ASB15: variants seen among roughly 807,000 people sequenced by gnomAD.
ASB15 encodes the protein ankyrin repeat and SOCS box containing 15.
Under a neutral mutation model 58.0 loss-of-function variants are expected in ASB15, and 54 were observed. The observed-to-expected ratio is 0.93, with a 90% CI of 0.75 to 1.17. The LOEUF (loss-of-function observed/expected upper bound fraction) is 1.17, where lower values mean the gene tolerates loss of function less well. Ranked by LOEUF, ASB15 falls within the 50% of genes most tolerant of loss-of-function variation. ASB15 has a pLI of 0.00. For synonymous variants in ASB15, 249 were observed against 262.4 expected, an observed-to-expected ratio of 0.95 and a Z score of 0.50; for missense variants, 680 against 707.4, an observed-to-expected ratio of 0.96 and a Z score of 0.44.
intron 1 of ASB15, among the ~76,000 whole-genome samples, chr7:123,584,401 C>T (rs1416957075): frequency 1.3e-5 from 2 of 151,600 alleles, no homozygotes; most frequent in East Asian, 3.9e-4. Flanking sequence ...GGCGGCTAGG[C>T]ATCAGTGTTT....
chr7:123,589,397 T>G (rs1468569855), intron 1 of ASB15, among the ~76,000 whole-genome samples: 7 of 151,730 alleles, frequency 4.6e-5, no homozygotes, highest in Non-Finnish European at 1.0e-4. Flanking sequence ...GGTATACATG[T>G]GCCATAGTGG....
rs1417775898 is a variant in ASB15, at chr7:123,637,774, A to T, written c.*793A>T. 2 of 151,260 alleles carry T rather than the reference A, an allele frequency of 1.3e-5. No individual in the cohort carries two copies. The highest frequency in any genetic ancestry group is 4.9e-5 in the African/African-American group (2 of 41,106). The allele number at this position is 151,260 out of a possible 1,614,324, so 9.4% of individuals were successfully genotyped here. ...CTAGAGACTACAAAATTTCCATCCA[A>T]AGCTCAGCTCTTTCTCTCATGTTCT... On this transcript the variant is annotated 3_prime_UTR_variant, in exon 12 of 12. Transcript: ENST00000451215.
At chr7:123,569,812 G>A (rs997332478) in intron 1 of ASB15, among the ~76,000 whole-genome samples, 3 of 152,148 alleles carry the variant, frequency 2.0e-5, no homozygotes, top group Non-Finnish European at 2.9e-5. Context: ...AGGCAAGCCC[G>A]TTAAGTATAA....
intron 1 of ASB15, among the ~76,000 whole-genome samples, chr7:123,602,985 A>T (rs2116418624): frequency 6.6e-6 from 1 of 152,312 alleles, no homozygotes; most frequent in Non-Finnish European, 1.5e-5. Context: ...GGGGAGAATT[A>T]TGTCATAGAC....
rs200086727 is a variant in ASB15, at chr7:123,616,418, C to T, written c.215C>T (p.Ala72Val). The change falls in exon 6 of 12, where the codon GCT becomes GTT. Residue 72 changes from alanine (A) to valine (V), a missense_variant. By Grantham distance (64) the Ala-to-Val change is moderately conservative. Transcript: ENST00000451215. ...AAATATAAATATGCAATGGATGAAG[C>T]TGATGAAAAAGGATGGTTTCCATTG... ...YVKYKYAMDE[A>V]DEKGWFPLHE... The T allele has an allele frequency of 2.8e-5, 45 of 1,606,998 alleles. No individual in the cohort carries two copies. The African/African-American group carries it at 5.8e-4, about 21-fold the overall frequency.
chr7:123,630,139 C>A lies in ASB15; in HGVS notation c.1594+20C>A. On this transcript the variant is annotated intron_variant, in intron 11 of 11. Transcript: ENST00000451215. Reference sequence around the variant, plus strand: ...TACTAGGTAAAAACCAAAAGTTTTGCCTACAATTTTTAAATTAAGAACTTA... The same window carrying A: ...TACTAGGTAAAAACCAAAAGTTTTGACTACAATTTTTAAATTAAGAACTTA... 1 of 1,533,516 alleles carries A rather than the reference C, an allele frequency of 6.5e-7. No individual in the cohort carries two copies. The highest frequency in any genetic ancestry group is 1.3e-5 in the South Asian group (1 of 79,460). The allele number at this position is 1,533,516 out of a possible 1,614,324, so 95.0% of individuals were successfully genotyped here.
rs189059982 is a variant in ASB15 at position 123,626,627 on chromosome 7, G to A, written c.698-483G>A. Among the ~76,000 whole-genome samples, 130 of 152,274 alleles carry A rather than the reference G, an allele frequency of 8.5e-4. 1 individual carries two copies. Among genetic ancestry groups the A allele is most frequent in the Non-Finnish European group, 1.6e-3 (112 of 68,034 alleles). The stretch of plus-strand genomic sequence containing the variant: ...AGATTTTAATAAAACAAACCATGCT[G>A]CATGCATGACTGTTTATTGAAAGTA... On this transcript the variant is annotated intron_variant, in intron 8 of 11. Transcript: ENST00000451215.
At chr7:123,584,840 T>G (rs1430082393) in intron 1 of ASB15, 1 of 151,942 alleles carries the variant, frequency 6.6e-6, no homozygotes, top group Admixed American at 6.6e-5. Context: ...AGAAAAGTTT[T>G]GAATAAATTA....
intron 1 of ASB15, among the ~76,000 whole-genome samples, chr7:123,578,943 T>C (rs1799147380): frequency 6.6e-6 from 1 of 152,112 alleles, no homozygotes; most frequent in African/African-American, 2.4e-5. Flanking sequence ...GTGGTACATA[T>C]GCAGGTTTGT....
rs73718428 is a variant in ASB15 at position 123,580,867 on chromosome 7, C to T, written c.-443+13779C>T. On this transcript the variant is annotated intron_variant, in intron 1 of 13. Transcript: ENST00000451558. Reference sequence around the variant, plus strand: ...ATTATACCGCAAACCACTAAAAAAACGCAGTGTTGAAGCTTGGTCAGAGAC... The same window carrying T: ...ATTATACCGCAAACCACTAAAAAAATGCAGTGTTGAAGCTTGGTCAGAGAC... Among the ~76,000 whole-genome samples the T allele has an allele frequency of 8.8e-3, 1,332 of 152,082 alleles. 21 individuals are homozygous for T. The highest frequency in any genetic ancestry group is 0.03 in the African/African-American group (1,242 of 41,504).
rs377401479 is a variant in ASB15 at position 123,634,026 on chromosome 7, TTC to T, written c.1595-2781_1595-2780del. 4.1e-4 allele frequency among the ~76,000 whole-genome samples: 62 copies of T among 152,288 alleles called. No homozygotes were observed. In the East Asian group the frequency reaches 6.6e-3, roughly 16 times the overall value. Reference sequence around the variant, plus strand: ...TTAAATATACGATTGGTGGGTTTTTTTCTGTTTTTTTTCCTTCAACTTGTATT... The same window carrying T: ...TTAAATATACGATTGGTGGGTTTTTTTGTTTTTTTTCCTTCAACTTGTATT... On this transcript the variant is annotated intron_variant, in intron 11 of 11. Coordinates refer to ENST00000451215, the MANE Select transcript of ASB15 (RefSeq NM_001290258.2).
chr7:123,582,510 A>G (rs569936517), intron 1 of ASB15, among the ~76,000 whole-genome samples: 1 of 152,054 alleles, frequency 6.6e-6, no homozygotes, highest in African/African-American at 2.4e-5. Context: ...ACTCTTACCT[A>G]AAGCTCCTGC....
intron 1 of ASB15, among the ~76,000 whole-genome samples, chr7:123,603,787 C>T (rs1454789122): frequency 1.3e-5 from 2 of 152,112 alleles, no homozygotes; most frequent in East Asian, 1.9e-4. Context: ...CATACAATTG[C>T]ACAGAAAACA....
chr7:123,606,010 A>G lies in ASB15; in HGVS notation c.-64+1798A>G, dbSNP rs1384878295. Among the ~76,000 whole-genome samples the G allele has an allele frequency of 2.0e-5, 3 of 152,144 alleles. No individual in the cohort carries two copies. In the South Asian group the frequency reaches 6.2e-4, roughly 31 times the overall value. On this transcript the variant is annotated intron_variant, in intron 2 of 11. Transcript: ENST00000451215. The stretch of plus-strand genomic sequence containing the variant: ...TAAAATGAAAGTTAAAAAAAATAAT[A>G]CTTTTTAAAAGTCTGGAGATATTAT...
At chr7:123,595,758 T>G (rs1799675141) in intron 1 of ASB15, among the ~76,000 whole-genome samples, 1 of 152,200 alleles carries the variant, frequency 6.6e-6, no homozygotes, top group African/African-American at 2.4e-5. Flanking sequence ...GTAAATGCTC[T>G]TTAGCTAGTG....
intron 6 of ASB15, among the ~76,000 whole-genome samples, 154 bp from the exon 7 acceptor site, chr7:123,617,425 T>C (rs1800892726): frequency 6.6e-6 from 1 of 152,236 alleles, no homozygotes; most frequent in Non-Finnish European, 1.5e-5. Flanking sequence ...TACTTTATCC[T>C]CACCGTCATT....
chr7:123,636,765 A>C (rs1170359040), intron 11 of ASB15, 44 bp from the exon 12 acceptor site: 1 of 1,516,014 alleles, frequency 6.6e-7, no homozygotes, highest in Non-Finnish European at 9.1e-7. Context: ...GGGCCAATCC[A>C]CTATTTAAAA....
intron 1 of ASB15, among the ~76,000 whole-genome samples, chr7:123,571,138 A>G (rs1353671682): frequency 6.6e-6 from 1 of 152,230 alleles, no homozygotes; most frequent in Non-Finnish European, 1.5e-5. Context: ...TAAATTTACC[A>G]TAAAAACAAA....
At chr7:123,618,716 T>C (rs1800994967) in intron 7 of ASB15, among the ~76,000 whole-genome samples, 1 of 152,036 alleles carries the variant, frequency 6.6e-6, no homozygotes, top group African/African-American at 2.4e-5. Context: ...TTAAGAACCA[T>C]CACAGCTCCT....
Sources: allele counts gnomAD v4.1 joint callset (sites outside exome capture counted in the v4.1 genomes callset), GRCh38; gene constraint gnomAD v4.1.1; transcripts MANE v1.5; gene names NCBI Gene and HGNC (gene_info 2026-07-23, HGNC 2026-07-21).